Variants in COL5A2 observed in about 807,000 individuals in gnomAD.
COL5A2 encodes collagen type V alpha 2 chain, also known as collagen alpha-2(V) chain.
COL5A2 carries 23 observed loss-of-function variants against 208.2 expected under a neutral mutation model. The observed-to-expected ratio is 0.11, with a 90% CI of 0.08 to 0.16. The LOEUF (loss-of-function observed/expected upper bound fraction) is 0.16. Ranked by LOEUF, COL5A2 falls within the 10% of genes least tolerant of loss-of-function variation. COL5A2 has a pLI of 1.00. For missense variants in COL5A2, 1,590 were observed against 1,956.4 expected (o/e 0.81, Z 3.53); for synonymous variants, 625 against 628.5 (o/e 0.99, Z 0.08).
At chr2:189,377,923 A>G in the COL5A2 span, among the ~76,000 whole-genome samples, 1 of 152,172 alleles carries the variant, frequency 6.6e-6, no homozygotes. Flanking sequence ...GAGGGACCCA[A>G]AGTGCACTTA....
the COL5A2 span, among the ~76,000 whole-genome samples, chr2:189,271,532 T>G: frequency 6.6e-6 from 1 of 152,058 alleles, no homozygotes; most frequent in Non-Finnish European, 1.5e-5. Context: ...GACTTAAACG[T>G]TAAGACCTAA....
At chr2:189,293,888 A>G in the COL5A2 span, among the ~76,000 whole-genome samples, 3 of 152,136 alleles carry the variant, frequency 2.0e-5, no homozygotes, top group Non-Finnish European at 4.4e-5. Context: ...GATCGAAACC[A>G]TCCTGGCTAA....
chr2:189,367,828 C>G, the COL5A2 span, among the ~76,000 whole-genome samples: 1 of 152,108 alleles, frequency 6.6e-6, no homozygotes, highest in Non-Finnish European at 1.5e-5. Context: ...AATATTACTA[C>G]AAATATTTTA....
intron 1 of COL5A2, among the ~76,000 whole-genome samples, chr2:189,135,752 A>T (rs1687815826): frequency 6.6e-6 from 1 of 152,240 alleles, no homozygotes; most frequent in Non-Finnish European, 1.5e-5. Context: ...TAGTGGTAAT[A>T]GGAGAGGCAG....
At position 189,041,632 on chromosome 2, in the gene COL5A2, A is replaced by G; in HGVS notation, c.3587T>C (p.Ile1196Thr). 2 of 1,614,126 alleles carry G rather than the reference A, an allele frequency of 1.2e-6. No homozygotes were observed. Among genetic ancestry groups the G allele is most frequent in the South Asian group, 1.1e-5 (1 of 91,084 alleles). Reference sequence around the variant, plus strand: ...ACTGCCTCGTACACCTGGAGGTCCAATTGGCCCAAGTGGCCCAGGGTTTCC... The same window carrying G: ...ACTGCCTCGTACACCTGGAGGTCCAGTTGGCCCAAGTGGCCCAGGGTTTCC... ...KEGNPGPLGP[I>T]GPPGVRGSVG... Residue 1196 changes from isoleucine (I) to threonine (T), a missense_variant, in exon 50 of 54, where the codon ATT (isoleucine) becomes ACT (threonine). Ile to Thr is a moderately conservative substitution (Grantham distance 89, BLOSUM62 -1). Transcript: ENST00000374866.
the COL5A2 span, among the ~76,000 whole-genome samples, chr2:189,402,823 T>C: frequency 2.0e-5 from 3 of 152,312 alleles, no homozygotes; most frequent in East Asian, 5.8e-4. Context: ...CCTTATAGTA[T>C]AGTTTGAATT....
chr2:189,205,751 G>A (rs1336525967), intron 1 of COL5A2, among the ~76,000 whole-genome samples: 1 of 152,016 alleles, frequency 6.6e-6, no homozygotes, highest in African/African-American at 2.4e-5. Context: ...GATTCCTATA[G>A]TAATAAGACC....
intron 1 of COL5A2, among the ~76,000 whole-genome samples, chr2:189,124,723 CTG>C (rs1274361045): frequency 6.7e-6 from 1 of 149,602 alleles, no homozygotes; most frequent in East Asian, 2.0e-4. Context: ...AAGTTCTTAA[CTG>C]TGTTTTCTTT....
chr2:189,261,707 G>A, the COL5A2 span, among the ~76,000 whole-genome samples: 2 of 152,192 alleles, frequency 1.3e-5, no homozygotes, highest in African/African-American at 4.8e-5. Context: ...GGGGTAGAGT[G>A]TAATGATCCT....
intron 1 of COL5A2, among the ~76,000 whole-genome samples, chr2:189,172,995 G>C (rs1202771560): frequency 5.4e-5 from 7 of 130,416 alleles, no homozygotes; most frequent in African/African-American, 2.0e-4. Context: ...TTTTGAGACG[G>C]AGTCTCGTTT....
chr2:189,404,893 T>C, the COL5A2 span, among the ~76,000 whole-genome samples: 2 of 152,190 alleles, frequency 1.3e-5, no homozygotes, highest in Non-Finnish European at 2.9e-5. Flanking sequence ...TACGATGTGT[T>C]TATCCACTCT....
upstream of COL5A2, among the ~76,000 whole-genome samples, chr2:189,183,124 T>C (rs1437375416): frequency 6.6e-6 from 1 of 152,200 alleles, no homozygotes; most frequent in South Asian, 2.1e-4. Context: ...CAGGATCTTA[T>C]TTCTAGCACT....
In COL5A2 at chr2:189,085,723, G is replaced by C. The variant is rs538222781; in HGVS notation, c.740C>G (p.Pro247Arg). 1.2e-6 allele frequency: 2 copies of C among 1,613,002 alleles called. No homozygotes were observed. The highest frequency in any genetic ancestry group is 2.2e-5 in the South Asian group (2 of 91,056). The change falls in exon 10 of 54, where the codon CCA (proline) becomes CGA (arginine). Residue 247 changes from proline to arginine, a missense_variant. Transcript: ENST00000374866. ...GPPGEPGDPGPMGPIGSRGPE... is the reference protein window; with the variant it reads ...GPPGEPGDPGRMGPIGSRGPE... Reference sequence around the variant, plus strand: ...ACATGCTTACTTGACATTTACCATTGGTCCAGGATCACCAGGTTCACCAGG... The same window carrying C: ...ACATGCTTACTTGACATTTACCATTCGTCCAGGATCACCAGGTTCACCAGG...
chr2:189,131,474 C>G (rs955348932), intron 1 of COL5A2, among the ~76,000 whole-genome samples: 2 of 152,042 alleles, frequency 1.3e-5, no homozygotes, highest in Admixed American at 1.3e-4. Flanking sequence ...AAAAAAATGT[C>G]TTAATGAATT....
chr2:189,242,972 T>A, the COL5A2 span, among the ~76,000 whole-genome samples: 1 of 152,048 alleles, frequency 6.6e-6, no homozygotes, highest in African/African-American at 2.4e-5. Flanking sequence ...ATCAAAAAAA[T>A]TTCCTGACAT....
At chr2:189,378,217 T>C in the COL5A2 span, among the ~76,000 whole-genome samples, 1 of 152,190 alleles carries the variant, frequency 6.6e-6, no homozygotes, top group East Asian at 1.9e-4. Context: ...CTGTTTACAT[T>C]AAGGATATGA....
At chr2:189,051,130 T>G (rs759947062) in intron 42 of COL5A2, among the ~76,000 whole-genome samples, 190 bp downstream of exon 42, 1 of 152,210 alleles carries the variant, frequency 6.6e-6, no homozygotes, top group Non-Finnish European at 1.5e-5. Context: ...ATACCATATC[T>G]ATTACTGCTA....
chr2:189,060,031 C>T (rs1376278497), intron 31 of COL5A2, among the ~76,000 whole-genome samples: 2 of 152,092 alleles, frequency 1.3e-5, no homozygotes, highest in Non-Finnish European at 2.9e-5. Flanking sequence ...GATTTGTAAG[C>T]TTGTCTCATT....
chr2:189,393,892 C>T, the COL5A2 span, among the ~76,000 whole-genome samples: 2 of 152,146 alleles, frequency 1.3e-5, no homozygotes, highest in Admixed American at 6.5e-5. Flanking sequence ...CAATAGTTTC[C>T]AGCTGCCTGC....
Sources: gnomAD v4.1 joint callset for allele counts (sites outside exome capture counted in the v4.1 genomes callset) on GRCh38, gnomAD v4.1.1 for gene constraint, MANE v1.5 for transcripts, NCBI Gene and HGNC (gene_info 2026-07-23, HGNC 2026-07-21) for gene names.